Variants in SWT1 observed in about 807,000 individuals in gnomAD.
SWT1 encodes the protein transcriptional protein SWT1.
In SWT1, 33 loss-of-function variants were observed where a neutral mutation model predicts 107.3. That is an observed-to-expected ratio of 0.31 (90% CI 0.23 to 0.41). The LOEUF is 0.41. Ranked by LOEUF, SWT1 falls within the 10% of genes least tolerant of loss-of-function variation. SWT1 has a pLI of 1.00. For missense variants in SWT1, 898 were observed against 1,028.9 expected (o/e 0.87, Z 1.74); for synonymous variants, 345 against 348.3 (o/e 0.99, Z 0.11).
intron 10 of SWT1, among the ~76,000 whole-genome samples, chr1:185,198,686 C>A (rs1292231889): frequency 6.6e-6 from 1 of 151,608 alleles, no homozygotes; most frequent in Non-Finnish European, 1.5e-5. Context: ...TTAAGTAGTG[C>A]CTTTCTTTGT....
At chr1:185,191,006 T>A (rs1462367379) in intron 10 of SWT1, among the ~76,000 whole-genome samples, 1 of 152,106 alleles carries the variant, frequency 6.6e-6, no homozygotes, top group Non-Finnish European at 1.5e-5. Context: ...TATGTTGGAG[T>A]TGTGTGCTGG....
intron 16 of SWT1, among the ~76,000 whole-genome samples, chr1:185,252,116 A>T (rs7540988): frequency 0.3 from 44,991 of 152,070 alleles, 7,087 homozygotes; most frequent in Non-Finnish European, 0.36. Flanking sequence ...TGAACTCATC[A>T]TTTTTTATGG....
intron 9 of SWT1, among the ~76,000 whole-genome samples, chr1:185,186,516 A>G (rs1656476786): frequency 6.6e-6 from 1 of 152,188 alleles, no homozygotes. Flanking sequence ...AACCTGTATA[A>G]CATTTGGAGA....
At chr1:185,283,485 T>C (rs965607429) in intron 18 of SWT1, among the ~76,000 whole-genome samples, 1 of 152,234 alleles carries the variant, frequency 6.6e-6, no homozygotes, top group African/African-American at 2.4e-5. Flanking sequence ...TAATTCACTT[T>C]TTTTTCTGTC....
intron 16 of SWT1, among the ~76,000 whole-genome samples, chr1:185,255,834 T>G (rs1571631336): frequency 6.6e-6 from 1 of 151,854 alleles, no homozygotes; most frequent in African/African-American, 2.4e-5. Flanking sequence ...TGATGTTAGC[T>G]GGTGATTTTG....
At chr1:185,279,551 G>C (rs1288553580) in intron 18 of SWT1, among the ~76,000 whole-genome samples, 1 of 151,950 alleles carries the variant, frequency 6.6e-6, no homozygotes, top group Non-Finnish European at 1.5e-5. Context: ...TTGAAAAATG[G>C]TAATTGCTGC....
At chr1:185,279,132 A>G (rs149783753) in intron 18 of SWT1, among the ~76,000 whole-genome samples, 1 of 152,372 alleles carries the variant, frequency 6.6e-6, no homozygotes, top group East Asian at 1.9e-4. Context: ...TCAGATTATC[A>G]ATGAATCGGT....
chr1:185,185,733 A>G (rs1400162753), intron 9 of SWT1, among the ~76,000 whole-genome samples: 1 of 152,160 alleles, frequency 6.6e-6, no homozygotes, highest in Non-Finnish European at 1.5e-5. Context: ...TTTAAAAGCC[A>G]TGATTAGATT....
chr1:185,205,121 C>T (rs576233516), intron 12 of SWT1, among the ~76,000 whole-genome samples: 2 of 151,922 alleles, frequency 1.3e-5, no homozygotes, highest in South Asian at 4.2e-4. Flanking sequence ...TGCACTGTCC[C>T]ATGGTGCTTA....
chr1:185,176,571 T>G, intron 5 of SWT1: 1 of 981,894 alleles, frequency 1.0e-6, no homozygotes, highest in Non-Finnish European at 1.2e-6. Context: ...TAAAGTTACT[T>G]ATCTTCAAGA....
At chr1:185,214,412 T>G in intron 13 of SWT1, 95 bp from the exon 14 acceptor site, 1 of 978,714 alleles carries the variant, frequency 1.0e-6, no homozygotes, top group Non-Finnish European at 1.5e-6. Context: ...TGTATACTCT[T>G]TTTAAATTTC....
In SWT1 at chr1:185,181,951, G is replaced by A. The variant is rs1261551416; in HGVS notation, c.1032G>A (p.Gln344=). 1.9e-6 allele frequency: 3 copies of A among 1,613,846 alleles called. No homozygotes were observed. The highest frequency in any genetic ancestry group is 3.3e-5 in the Admixed American group (2 of 60,000). ...TGGGGTCTTTTACACTTTAGATGCA[G>A]ATAGTAGAAGAGCTTCATGCTGCAC... The part of the protein sequence containing the change: ...ESIQDADQEM[Q]IVEELHAARV... The change falls in exon 7 of 19, where the codon CAG becomes CAA. Residue 344 remains glutamine (Q), a synonymous_variant. Transcript: ENST00000367500.
intron 5 of SWT1, among the ~76,000 whole-genome samples, chr1:185,178,159 A>G (rs1030197573): frequency 1.3e-5 from 2 of 152,214 alleles, no homozygotes; most frequent in Non-Finnish European, 2.9e-5. Flanking sequence ...CTCGAAGGAC[A>G]TGTGGGGTGA....
chr1:185,276,399 T>G (rs546230275), intron 17 of SWT1, among the ~76,000 whole-genome samples: 1 of 152,248 alleles, frequency 6.6e-6, no homozygotes, highest in African/African-American at 2.4e-5. Context: ...ACTAACAGAT[T>G]AAGATATAAT....
intron 15 of SWT1, among the ~76,000 whole-genome samples, chr1:185,222,487 T>A (rs1659731641): frequency 6.6e-6 from 1 of 152,132 alleles, no homozygotes; most frequent in African/African-American, 2.4e-5. Flanking sequence ...CCGGGCGTGG[T>A]GGCTTACACC....
intron 11 of SWT1, 80 bp from the exon 12 acceptor site, chr1:185,204,620 G>C: frequency 1.5e-6 from 1 of 655,492 alleles, no homozygotes; most frequent in Non-Finnish European, 2.5e-6. Context: ...AATGTTTACT[G>C]TTTATGGCAA....
chr1:185,266,822 G>A (rs1049567485), intron 16 of SWT1, among the ~76,000 whole-genome samples: 2 of 152,194 alleles, frequency 1.3e-5, no homozygotes, highest in Non-Finnish European at 2.9e-5. Flanking sequence ...CCGCTAGTGA[G>A]TGTCAGTTCT....
intron 16 of SWT1, among the ~76,000 whole-genome samples, chr1:185,252,779 G>C (rs1248030875): frequency 6.6e-6 from 1 of 151,918 alleles, no homozygotes. Context: ...AGAAGCTCTT[G>C]AGTTTAATTA....
Position 185,166,563 on chromosome 1 carries a change from CA to C in SWT1, c.85-8del. ...TTTTTAAAATTCATTTTCTTTATTGCATTCTTAGGACAAGAAAGAGAGAAAA... is the reference window on the plus strand; with the variant it reads ...TTTTTAAAATTCATTTTCTTTATTGCTTCTTAGGACAAGAAAGAGAGAAAA... On this transcript the variant is annotated splice_polypyrimidine_tract_variant and splice_region_variant and intron_variant, in intron 2 of 18. Coordinates refer to ENST00000367500, the MANE Select transcript of SWT1 (RefSeq NM_017673.7). 2 of 1,554,936 alleles carry C rather than the reference CA, an allele frequency of 1.3e-6. No individual in the cohort carries two copies. Among genetic ancestry groups the C allele is most frequent in the Non-Finnish European group, 1.8e-6 (2 of 1,135,544 alleles).
Sources: gnomAD v4.1 joint callset for allele counts (sites outside exome capture counted in the v4.1 genomes callset) on GRCh38, gnomAD v4.1.1 for gene constraint, MANE v1.5 for transcripts, NCBI Gene and HGNC (gene_info 2026-07-23, HGNC 2026-07-21) for gene names.